Variants in ANKS1B observed in about 807,000 individuals in gnomAD.
The protein encoded by ANKS1B is ankyrin repeat and sterile alpha motif domain-containing protein 1B.
In ANKS1B, 36 loss-of-function variants were observed where a neutral mutation model predicts 148.3. The ratio of observed to expected loss-of-function variants is 0.24; its 90% CI spans 0.19 to 0.32. The LOEUF is 0.32. Ranked by LOEUF, ANKS1B falls within the 10% of genes least tolerant of loss-of-function variation. The probability of loss-of-function intolerance (pLI) is 1.00; values close to 1 mark genes in which losing one functional copy is unlikely to be tolerated. For missense variants in ANKS1B, 1,157 were observed against 1,542.6 expected (o/e 0.75, Z 4.19); for synonymous variants, 542 against 560.8 (o/e 0.97, Z 0.47).
chr12:99,611,794 G>T (rs1293369061), intron 9 of ANKS1B, among the ~76,000 whole-genome samples: 1 of 152,074 alleles, frequency 6.6e-6, no homozygotes, highest in Non-Finnish European at 1.5e-5. Flanking sequence ...TTTCATGATT[G>T]GAGGAGCTAT....
chr12:99,374,915 G>A (rs1177919354), intron 12 of ANKS1B, among the ~76,000 whole-genome samples: 1 of 152,108 alleles, frequency 6.6e-6, no homozygotes, highest in Non-Finnish European at 1.5e-5. Flanking sequence ...TCTTGTCCTT[G>A]ATTAAACTGC....
At chr12:99,535,001 G>T (rs1222220825) in intron 9 of ANKS1B, among the ~76,000 whole-genome samples, 1 of 152,032 alleles carries the variant, frequency 6.6e-6, no homozygotes, top group South Asian at 2.1e-4. Context: ...GAGCCACCGC[G>T]CCCGGCCCTT....
intron 9 of ANKS1B, among the ~76,000 whole-genome samples, chr12:99,608,064 C>T (rs550907353): frequency 1.3e-5 from 2 of 152,156 alleles, no homozygotes; most frequent in South Asian, 4.2e-4. Flanking sequence ...GGTTTTGGGT[C>T]TCTTAGAGCT....
chr12:99,449,892 C>CATCTATCTATCT (rs55765630), intron 10 of ANKS1B, among the ~76,000 whole-genome samples: 1 of 147,856 alleles, frequency 6.8e-6, no homozygotes, highest in Non-Finnish European at 1.5e-5. Context: ...AGGATCTATC[C>CATCTATCTATCT]ATCTATCTAT....
chr12:99,813,175 C>T (rs1176131026), intron 2 of ANKS1B, among the ~76,000 whole-genome samples: 1 of 151,480 alleles, frequency 6.6e-6, no homozygotes, highest in Non-Finnish European at 1.5e-5. Flanking sequence ...AACTTAATCC[C>T]CACCAGGTTT....
intron 14 of ANKS1B, among the ~76,000 whole-genome samples, chr12:99,160,844 CT>C: frequency 6.6e-6 from 1 of 152,232 alleles, no homozygotes; most frequent in South Asian, 2.1e-4. Context: ...TATCAGGTGG[CT>C]GTAGGTGTGC....
At chr12:99,120,401 C>T (rs2062481323) in intron 15 of ANKS1B, among the ~76,000 whole-genome samples, 2 of 152,252 alleles carry the variant, frequency 1.3e-5, no homozygotes, top group East Asian at 1.9e-4. Flanking sequence ...TGTTTCTTTT[C>T]TTGTTTGATC....
chr12:99,554,031 A>G (rs2097251816), intron 9 of ANKS1B, among the ~76,000 whole-genome samples: 1 of 152,134 alleles, frequency 6.6e-6, no homozygotes, highest in Admixed American at 6.5e-5. Flanking sequence ...GTAGAGAAAA[A>G]CTGCCTGTGG....
chr12:99,262,830 T>A (rs2076067096), intron 12 of ANKS1B, among the ~76,000 whole-genome samples: 1 of 152,108 alleles, frequency 6.6e-6, no homozygotes, highest in Non-Finnish European at 1.5e-5. Flanking sequence ...TCTCTTTTTA[T>A]AAAGTACATT....
chr12:99,243,983 C>T (rs928166764), intron 14 of ANKS1B, among the ~76,000 whole-genome samples: 1 of 151,732 alleles, frequency 6.6e-6, no homozygotes, highest in Admixed American at 6.6e-5. Flanking sequence ...CAAACCTGCA[C>T]ATTGTGCACA....
intron 17 of ANKS1B, among the ~76,000 whole-genome samples, chr12:98,882,181 A>G (rs892025852): frequency 1.3e-5 from 2 of 152,202 alleles, no homozygotes. Flanking sequence ...AAAAAAACAA[A>G]AAACAAACAA....
chr12:99,850,120 T>C (rs917772707), intron 1 of ANKS1B, among the ~76,000 whole-genome samples: 1 of 152,114 alleles, frequency 6.6e-6, no homozygotes, highest in Admixed American at 6.6e-5. Flanking sequence ...GTAACAGAAA[T>C]TGGAAAAATA....
At chr12:99,836,509 C>T (rs970270879) in intron 1 of ANKS1B, among the ~76,000 whole-genome samples, 2 of 151,862 alleles carry the variant, frequency 1.3e-5, no homozygotes, top group Admixed American at 1.3e-4. Context: ...CCAGCAAATG[C>T]GAATTGAATG....
chr12:98,799,859 C>G lies in ANKS1B; in HGVS notation c.3271-854G>C, dbSNP rs780947430. 2.5e-4 allele frequency among the ~76,000 whole-genome samples: 38 copies of G among 151,754 alleles called. 1 individual carries two copies. Among genetic ancestry groups the G allele is most frequent in the Middle Eastern group, 3.4e-3 (1 of 294 alleles). Reference sequence around the variant, plus strand: ...ATTCCCCTGCCCCTTGCCCTCCCCCCACCAGCCCCCAAAGAGCTCTATATA... The same window carrying G: ...ATTCCCCTGCCCCTTGCCCTCCCCCGACCAGCCCCCAAAGAGCTCTATATA... On this transcript the variant is annotated intron_variant, in intron 21 of 26. Transcript: ENST00000683438.
intron 1 of ANKS1B, among the ~76,000 whole-genome samples, chr12:99,967,757 A>T (rs560847525): frequency 6.6e-6 from 1 of 151,910 alleles, no homozygotes; most frequent in South Asian, 2.1e-4. Context: ...AAATACAAAA[A>T]TTAGCTGGGC....
At chr12:98,786,267 T>C (rs562698731) in intron 22 of ANKS1B, among the ~76,000 whole-genome samples, 1 of 152,374 alleles carries the variant, frequency 6.6e-6, no homozygotes, top group African/African-American at 2.4e-5. Context: ...TAAAATACAA[T>C]GCAACATTTG....
rs145851122 is a variant in ANKS1B, at chr12:99,181,992, T to C, written c.2420-27597A>G. ...CCCTTCCCAGCTTCTGGTAACCATATGTATTAGTCCATTTTCACACTGCTA... is the reference window on the plus strand; with the variant it reads ...CCCTTCCCAGCTTCTGGTAACCATACGTATTAGTCCATTTTCACACTGCTA... On this transcript the variant is annotated intron_variant, in intron 14 of 26. Coordinates refer to ENST00000683438, the MANE Select transcript of ANKS1B (RefSeq NM_001352186.2). Among the ~76,000 whole-genome samples the C allele has an allele frequency of 7.9e-3, 1,206 of 152,246 alleles. 19 individuals carry two copies. The highest frequency in any genetic ancestry group is 0.028 in the African/African-American group (1,158 of 41,550).
intron 17 of ANKS1B, among the ~76,000 whole-genome samples, chr12:99,022,800 C>T (rs988751514): frequency 6.6e-6 from 1 of 152,062 alleles, no homozygotes; most frequent in Admixed American, 6.6e-5. Flanking sequence ...GATCTTCCTG[C>T]CTCAGCCTCC....
At position 99,980,330 on chromosome 12, in the gene ANKS1B, A is replaced by G. The variant is rs181464775; in HGVS notation, c.134+3774T>C. On this transcript the variant is annotated intron_variant, in intron 1 of 26. Coordinates refer to ENST00000683438, the MANE Select transcript of ANKS1B (RefSeq NM_001352186.2). ...CTATTTTATTTTAATTACATAATAC[A>G]TATTCATTACAGAACACTGAAAATA... Among the ~76,000 whole-genome samples, 186 of 152,168 alleles carry G rather than the reference A, an allele frequency of 1.2e-3. 2 individuals are homozygous for G. Among genetic ancestry groups the G allele is most frequent in the Middle Eastern group, 0.01 (3 of 292 alleles).
Sources: gnomAD v4.1 joint callset for allele counts (sites outside exome capture counted in the v4.1 genomes callset) on GRCh38, gnomAD v4.1.1 for gene constraint, MANE v1.5 for transcripts, NCBI Gene and HGNC (gene_info 2026-07-23, HGNC 2026-07-21) for gene names.